The following EPHA6 variants were observed in gnomAD, a reference collection of about 807,000 sequenced individuals.
EPHA6 encodes the protein EPH receptor A6, also known as ephrin type-A receptor 6.
EPHA6 carries 50 observed loss-of-function variants against 112.0 expected under a neutral mutation model. The observed-to-expected ratio is 0.45, with a 90% confidence interval of 0.36 to 0.56. The LOEUF is 0.56. Among genes scored for constraint, EPHA6 ranks in the 20% least tolerant of loss-of-function variants. The pLI is 0.00. For missense variants in EPHA6, 1,280 were observed against 1,417.4 expected, an observed-to-expected ratio of 0.90 and a Z score of 1.56; for synonymous variants, 529 against 490.7, an observed-to-expected ratio of 1.08 and a Z score of -1.03.
At chr3:96,911,604 A>G (rs1457240997) in intron 2 of EPHA6, among the ~76,000 whole-genome samples, 2 of 152,028 alleles carry the variant, frequency 1.3e-5, no homozygotes, top group Non-Finnish European at 2.9e-5. Context: ...AAAGTTTAAC[A>G]TTTGTTCATA....
intron 3 of EPHA6, among the ~76,000 whole-genome samples, chr3:97,158,331 C>A (rs906317157): frequency 6.6e-6 from 1 of 152,038 alleles, no homozygotes; most frequent in Non-Finnish European, 1.5e-5. Flanking sequence ...ACAACTAGTC[C>A]TCATTTCTCT....
intron 3 of EPHA6, among the ~76,000 whole-genome samples, chr3:97,025,627 T>G (rs2213256): frequency 0.048 from 7,319 of 152,280 alleles, 213 homozygotes; most frequent in Middle Eastern, 0.11. Context: ...TCTCACTCTT[T>G]CGCCAGGCTA....
At chr3:97,444,881 A>C (rs749098016) in intron 6 of EPHA6, among the ~76,000 whole-genome samples, 4 of 152,032 alleles carry the variant, frequency 2.6e-5, no homozygotes, top group Non-Finnish European at 4.4e-5. Flanking sequence ...AGGTAAACGA[A>C]AGATTCAGTG....
chr3:97,554,202 G>C (rs1358430168), intron 11 of EPHA6, among the ~76,000 whole-genome samples: 2 of 151,956 alleles, frequency 1.3e-5, no homozygotes, highest in Admixed American at 6.6e-5. Context: ...AGTATAAGAA[G>C]TGAAAATACA....
rs1192778484 is a variant in EPHA6, at chr3:97,439,637, G to A, written c.1732-8931G>A. ...AGTGGAACTTCCCAGCCTCAGAAAG[G>A]CAGAAACCAGGAAAGCTAAGGTTGT... On this transcript the variant is annotated intron_variant, in intron 6 of 17. Transcript: ENST00000389672. 3.0e-6 allele frequency: 3 copies of A among 1,003,462 alleles called. No homozygotes were observed. The African/African-American group carries it at 5.2e-5, about 17-fold the overall frequency. 62.2% of individuals were successfully genotyped at this position (1,003,462 alleles called of 1,614,324 possible).
intron 1 of EPHA6, among the ~76,000 whole-genome samples, chr3:96,820,574 C>G (rs1281033239): frequency 1.3e-5 from 2 of 151,944 alleles, no homozygotes; most frequent in Non-Finnish European, 1.5e-5. Context: ...TTGAAATTAC[C>G]TTACTAAATA....
chr3:97,396,784 G>C (rs1180884910), intron 5 of EPHA6, among the ~76,000 whole-genome samples: 1 of 151,476 alleles, frequency 6.6e-6, no homozygotes, highest in Non-Finnish European at 1.5e-5. Flanking sequence ...AATATACATG[G>C]TATAAAATAA....
chr3:97,095,394 A>G (rs1454717641), intron 3 of EPHA6, among the ~76,000 whole-genome samples: 1 of 152,034 alleles, frequency 6.6e-6, no homozygotes, highest in Non-Finnish European at 1.5e-5. Context: ...TGGCACATGT[A>G]TACATATGTA....
chr3:97,148,995 T>C (rs2076107075), intron 3 of EPHA6, among the ~76,000 whole-genome samples: 1 of 152,090 alleles, frequency 6.6e-6, no homozygotes, highest in Non-Finnish European at 1.5e-5. Context: ...GCAGATGGGT[T>C]TCTTTGATGG....
At chr3:97,247,583 CT>C (rs1420631114) in intron 5 of EPHA6, among the ~76,000 whole-genome samples, 2 of 151,860 alleles carry the variant, frequency 1.3e-5, no homozygotes, top group Non-Finnish European at 2.9e-5. Flanking sequence ...AGAAATCATT[CT>C]GAGTAGAAGG....
At chr3:97,281,877 T>C (rs1162020844) in intron 5 of EPHA6, among the ~76,000 whole-genome samples, 3 of 152,194 alleles carry the variant, frequency 2.0e-5, no homozygotes, top group Admixed American at 6.5e-5. Context: ...TTTTACAGTG[T>C]GTGTAACTTA....
In EPHA6 at chr3:97,207,598, G is replaced by C. The variant is rs76580614; in HGVS notation, c.1115-18666G>C. On this transcript the variant is annotated intron_variant, in intron 3 of 17. Coordinates refer to ENST00000389672, the MANE Select transcript of EPHA6 (RefSeq NM_001080448.3). ...GCATATGTATAAAATTGATTAACTG[G>C]AGGGTTTGTTTTGCATAAAACAAGG... 5.7e-3 allele frequency among the ~76,000 whole-genome samples: 867 copies of C among 152,210 alleles called. 4 individuals are homozygous for C. The highest frequency in any genetic ancestry group is 0.019 in the African/African-American group (790 of 41,538).
intron 3 of EPHA6, among the ~76,000 whole-genome samples, chr3:97,082,847 C>T (rs1161633741): frequency 6.6e-6 from 1 of 151,764 alleles, no homozygotes; most frequent in East Asian, 1.9e-4. Flanking sequence ...TCAGTATTGA[C>T]CAACATTTTT....
Position 97,028,968 on chromosome 3 carries a change from G to C in EPHA6, c.1114+40975G>C, listed in dbSNP as rs202235966. On this transcript the variant is annotated intron_variant, in intron 3 of 17. Transcript: ENST00000389672. ...TTTCTTTTAATCATTGGATATAATAGCTTCAAACATTTATAAACAAGAAGG... is the reference window on the plus strand; with the variant it reads ...TTTCTTTTAATCATTGGATATAATACCTTCAAACATTTATAAACAAGAAGG... Among the ~76,000 whole-genome samples the C allele has an allele frequency of 4.0e-5, 6 of 151,436 alleles. No individual in the cohort carries two copies. In the East Asian group the frequency reaches 1.2e-3, roughly 29 times the overall value.
chr3:97,613,153 CTCT>C (rs1344949271), intron 13 of EPHA6, among the ~76,000 whole-genome samples: 1 of 152,088 alleles, frequency 6.6e-6, no homozygotes, highest in African/African-American at 2.4e-5. Context: ...GTAATCATCT[CTCT>C]TCTTAGAAGC....
At chr3:96,875,122 T>TATA (rs941389267) in intron 2 of EPHA6, among the ~76,000 whole-genome samples, 29 of 151,886 alleles carry the variant, frequency 1.9e-4, no homozygotes, top group Admixed American at 5.3e-4. Flanking sequence ...AGATTGTACT[T>TATA]ATAATAATAA....
intron 5 of EPHA6, among the ~76,000 whole-genome samples, chr3:97,268,746 A>G (rs1186132357): frequency 6.6e-6 from 1 of 152,192 alleles, no homozygotes; most frequent in African/African-American, 2.4e-5. Flanking sequence ...AAAGTACACA[A>G]GTCTGCATAA....
At position 97,758,286 on chromosome 3, in the gene EPHA6, T is replaced by C. The variant is rs1358884209; in HGVS notation, c.*9585T>C. ...TACCATTAAATGCAATAATAAGGTA[T>C]CTATAATATAACAATCAAAAATATC... On this transcript the variant is annotated 3_prime_UTR_variant, in exon 18 of 18. Coordinates refer to ENST00000389672, the MANE Select transcript of EPHA6 (RefSeq NM_001080448.3). Among the ~76,000 whole-genome samples the C allele has an allele frequency of 6.6e-6, 1 of 151,968 alleles. No individual in the cohort carries two copies. The highest frequency in any genetic ancestry group is 6.6e-5 in the Admixed American group (1 of 15,258).
chr3:97,457,053 G>T (rs1174555655), intron 7 of EPHA6, among the ~76,000 whole-genome samples: 1 of 152,142 alleles, frequency 6.6e-6, no homozygotes, highest in African/African-American at 2.4e-5. Flanking sequence ...GCAAAGTGAA[G>T]AAAACCTAAT....
Sources: gnomAD v4.1 joint callset for allele counts (sites outside exome capture counted in the v4.1 genomes callset) on GRCh38, gnomAD v4.1.1 for gene constraint, MANE v1.5 for transcripts, NCBI Gene and HGNC (gene_info 2026-07-23, HGNC 2026-07-21) for gene names.